The following STK39 variants were observed in gnomAD, a reference collection of about 807,000 sequenced individuals.
The protein encoded by STK39 is serine/threonine kinase 39.
In STK39, 20 loss-of-function variants were observed where a neutral mutation model predicts 77.8. The observed-to-expected ratio is 0.26, with a 90% CI of 0.18 to 0.37. The LOEUF is 0.37. Among genes scored for constraint, STK39 ranks in the 10% least tolerant of loss-of-function variants. The pLI, the probability that STK39 is intolerant of heterozygous loss-of-function variation, is 1.00. For missense variants in STK39, 479 were observed against 656.5 expected (o/e 0.73, Z 2.95); for synonymous variants, 246 against 234.1 (o/e 1.05, Z -0.47).
chr2:168,070,248 T>C (rs1478576757), intron 12 of STK39, among the ~76,000 whole-genome samples: 1 of 152,130 alleles, frequency 6.6e-6, no homozygotes, highest in Non-Finnish European at 1.5e-5. Flanking sequence ...ATTCCCACAG[T>C]GCCTAACACA....
intron 5 of STK39, among the ~76,000 whole-genome samples, chr2:168,143,012 C>T (rs974952608): frequency 1.3e-5 from 2 of 152,170 alleles, no homozygotes; most frequent in African/African-American, 2.4e-5. Flanking sequence ...GAAAAGCTGT[C>T]CTTGTTTCCT....
At chr2:168,078,707 T>C (rs567176385) in intron 10 of STK39, among the ~76,000 whole-genome samples, 7 of 133,230 alleles carry the variant, frequency 5.3e-5, no homozygotes, top group African/African-American at 2.0e-4. Flanking sequence ...CAAAACTTAG[T>C]AGAATTTGTC....
chr2:168,171,975 A>G (rs989577434), intron 2 of STK39, among the ~76,000 whole-genome samples: 1 of 150,898 alleles, frequency 6.6e-6, no homozygotes, highest in Non-Finnish European at 1.5e-5. Flanking sequence ...GCCGCACTCT[A>G]TGTCACAGCT....
intron 16 of STK39, among the ~76,000 whole-genome samples, chr2:167,984,428 C>A (rs1683505452): frequency 1.3e-5 from 2 of 152,082 alleles, no homozygotes; most frequent in African/African-American, 4.8e-5. Context: ...TTCCACGTAG[C>A]CAAAGAGCAT....
intron 14 of STK39, among the ~76,000 whole-genome samples, chr2:168,051,915 GC>G (rs1168074762): frequency 1.3e-5 from 2 of 151,952 alleles, no homozygotes; most frequent in Non-Finnish European, 2.9e-5. Flanking sequence ...ACAGAGGCAG[GC>G]CAGCTTCCAT....
At chr2:168,239,566 C>A (rs1690706549) in intron 1 of STK39, among the ~76,000 whole-genome samples, 1 of 152,188 alleles carries the variant, frequency 6.6e-6, no homozygotes, top group African/African-American at 2.4e-5. Context: ...AAATAAACCC[C>A]ATCATTAACC....
At chr2:168,121,352 A>C (rs74741183) in intron 10 of STK39, among the ~76,000 whole-genome samples, 2,892 of 152,320 alleles carry the variant, frequency 0.019, 60 homozygotes, top group Non-Finnish European at 0.03. Context: ...AGTGATCTGA[A>C]AGCTGTGAAA....
chr2:167,968,534 C>T (rs1173195940), intron 16 of STK39, among the ~76,000 whole-genome samples: 3 of 152,172 alleles, frequency 2.0e-5, no homozygotes, highest in Admixed American at 1.3e-4. Flanking sequence ...TTTCCAAACA[C>T]AAGCTATGGG....
chr2:168,099,849 T>C lies in STK39; in HGVS notation c.1090-24618A>G, dbSNP rs182325335. Among the ~76,000 whole-genome samples the C allele has an allele frequency of 2.0e-3, 301 of 152,190 alleles. 1 individual carries two copies. The highest frequency in any genetic ancestry group is 2.2e-3 in the Non-Finnish European group (151 of 68,008). On this transcript the variant is annotated intron_variant, in intron 10 of 17. Coordinates refer to ENST00000355999, the MANE Select transcript of STK39 (RefSeq NM_013233.3). The stretch of plus-strand genomic sequence containing the variant: ...AAAAAACCATAATAGGAGACCCAAA[T>C]TTCACTTCATAGCAACAATGCAATT...
At chr2:168,075,697 C>A (rs115422675) in intron 10 of STK39, among the ~76,000 whole-genome samples, 3,013 of 151,572 alleles carry the variant, frequency 0.02, 105 homozygotes, top group African/African-American at 0.069. Context: ...AATCTAAAAA[C>A]CTAAGACAAC....
chr2:168,012,403 C>T (rs1574390480), intron 16 of STK39, among the ~76,000 whole-genome samples: 1 of 152,128 alleles, frequency 6.6e-6, no homozygotes, highest in South Asian at 2.1e-4. Flanking sequence ...TAACTCCTGA[C>T]CTCAGGTGGT....
intron 7 of STK39, 81 bp downstream of exon 7, chr2:168,140,208 T>C (rs1362839142): frequency 5.1e-6 from 6 of 1,179,816 alleles, no homozygotes; most frequent in Non-Finnish European, 7.6e-6. Context: ...AAGAGAAGAA[T>C]GAAGATGTTG....
At position 167,954,396 on chromosome 2, in the gene STK39, T is replaced by G. The variant is rs143783511; in HGVS notation, c.*1100A>C. ...TTGATTCTTGAACCTTAACAGCGTTTTACCTTTTAGTCATTGCACAAAACC... is the reference window on the plus strand; with the variant it reads ...TTGATTCTTGAACCTTAACAGCGTTGTACCTTTTAGTCATTGCACAAAACC... On this transcript the variant is annotated 3_prime_UTR_variant, in exon 18 of 18. Coordinates refer to ENST00000355999, the MANE Select transcript of STK39 (RefSeq NM_013233.3). 66 of 152,736 alleles carry G rather than the reference T, an allele frequency of 4.3e-4. 2 individuals are homozygous for G. The East Asian group carries it at 0.012, about 28-fold the overall frequency. 9.5% of individuals were successfully genotyped at this position (152,736 alleles called of 1,614,324 possible).
chr2:168,145,010 A>G (rs568852888), intron 5 of STK39, among the ~76,000 whole-genome samples: 2 of 152,046 alleles, frequency 1.3e-5, no homozygotes, highest in East Asian at 3.9e-4. Context: ...TTCCCACCTA[A>G]GTAGGATAAG....
intron 14 of STK39, among the ~76,000 whole-genome samples, chr2:168,029,060 T>C (rs1363791045): frequency 2.6e-5 from 4 of 152,206 alleles, no homozygotes; most frequent in Non-Finnish European, 4.4e-5. Context: ...AATTATGGTT[T>C]TTGCCAACTA....
chr2:168,241,620 A>T lies in STK39; in HGVS notation c.208+5608T>A, dbSNP rs1690760593. 2.6e-5 allele frequency among the ~76,000 whole-genome samples: 4 copies of T among 152,204 alleles called. No individual in the cohort carries two copies. In the South Asian group the frequency reaches 8.3e-4, roughly 31 times the overall value. On this transcript the variant is annotated intron_variant, in intron 1 of 17. Transcript: ENST00000355999. ...AGCAGCCCAGCACAAGAGTGGGAAT[A>T]GGGAACAACCTCTCTTTCCCACTTC... is the stretch of plus-strand genomic sequence containing the variant.
chr2:168,190,121 T>C (rs886234966), intron 1 of STK39, among the ~76,000 whole-genome samples: 1 of 152,160 alleles, frequency 6.6e-6, no homozygotes, highest in African/African-American at 2.4e-5. Context: ...TCCTCCGGCC[T>C]TATTATTCCT....
chr2:168,055,764 C>T (rs894498348), intron 14 of STK39, among the ~76,000 whole-genome samples: 3 of 152,214 alleles, frequency 2.0e-5, no homozygotes, highest in Admixed American at 1.3e-4. Context: ...TTCTAATAAA[C>T]ATGTTTTGTG....
At chr2:168,215,420 T>A (rs921568897) in intron 1 of STK39, among the ~76,000 whole-genome samples, 12 of 152,184 alleles carry the variant, frequency 7.9e-5, no homozygotes, top group African/African-American at 2.9e-4. Flanking sequence ...GTATTAAGTT[T>A]AAAAGCCTGG....
Sources: allele counts gnomAD v4.1 joint callset (sites outside exome capture counted in the v4.1 genomes callset), GRCh38; gene constraint gnomAD v4.1.1; transcripts MANE v1.5; gene names NCBI Gene and HGNC (gene_info 2026-07-23, HGNC 2026-07-21).